Variants in GNA13 observed in about 807,000 individuals in gnomAD.
GNA13 encodes the protein guanine nucleotide-binding protein subunit alpha-13.
GNA13 carries 4 observed loss-of-function variants against 33.5 expected under a neutral mutation model. The ratio of observed to expected loss-of-function variants is 0.12; its 90% CI spans 0.06 to 0.27. The LOEUF (loss-of-function observed/expected upper bound fraction) is 0.27, where lower values mean the gene tolerates loss of function less well. GNA13 is among the 10% of genes least tolerant of loss of function. The pLI, the probability that GNA13 is intolerant of heterozygous loss-of-function variation, is 1.00. For synonymous variants in GNA13, 176 were observed against 183.8 expected (o/e 0.96, Z 0.34); for missense variants, 319 against 487.2 (o/e 0.65, Z 3.25).
intron 3 of GNA13, among the ~76,000 whole-genome samples, chr17:65,015,638 G>C (rs890434350): frequency 6.8e-6 from 1 of 147,580 alleles, no homozygotes; most frequent in Non-Finnish European, 1.5e-5. Flanking sequence ...ACTCCAGCCT[G>C]GGTGACAGAG....
At chr17:65,056,203 C>G in intron 1 of GNA13, 108 bp downstream of exon 1, 1 of 952,930 alleles carries the variant, frequency 1.0e-6, no homozygotes. Flanking sequence ...CCGCCGGGCC[C>G]GTTCCTTCGC....
chr17:65,030,922 CTT>C (rs1906977654), intron 2 of GNA13, among the ~76,000 whole-genome samples: 1 of 152,144 alleles, frequency 6.6e-6, no homozygotes, highest in Admixed American at 6.5e-5. Flanking sequence ...CTGCAAGTGT[CTT>C]TTAAAAGTAA....
intron 2 of GNA13, among the ~76,000 whole-genome samples, chr17:65,038,438 G>T (rs979109981): frequency 6.6e-6 from 1 of 151,926 alleles, no homozygotes; most frequent in Non-Finnish European, 1.5e-5. Flanking sequence ...TTAGAGACAG[G>T]GTCTTGCTTT....
chr17:65,047,329 C>T (rs548723490), intron 2 of GNA13, among the ~76,000 whole-genome samples: 1 of 152,216 alleles, frequency 6.6e-6, no homozygotes, highest in Non-Finnish European at 1.5e-5. Flanking sequence ...CCCAAGGTTA[C>T]AGTGAACTAT....
intron 2 of GNA13, among the ~76,000 whole-genome samples, chr17:65,031,915 A>AGT (rs1567821894): frequency 1.5e-5 from 2 of 131,368 alleles, no homozygotes; most frequent in Non-Finnish European, 3.3e-5. Context: ...AGAGAGAGAG[A>AGT]GAGAGAGTGT....
chr17:65,022,763 C>A (rs974273302), intron 2 of GNA13, among the ~76,000 whole-genome samples: 9 of 152,224 alleles, frequency 5.9e-5, no homozygotes, highest in African/African-American at 1.9e-4. Flanking sequence ...TTTTGTTAGA[C>A]AAGCAAGGAA....
chr17:65,052,159 A>AT (rs968564261), intron 2 of GNA13: 20 of 149,776 alleles, frequency 1.3e-4, no homozygotes, highest in African/African-American at 2.7e-4. Context: ...CAGCTTATTT[A>AT]TTTTTTTTTT....
chr17:65,012,950 C>A lies in GNA13; in HGVS notation c.*1307G>T, dbSNP rs766416635. ...GATGAGTTCACTATGAATGTATCTG[C>A]GATCACAAAGCTACTTCGTGGACAC... On this transcript the variant is annotated 3_prime_UTR_variant, in exon 4 of 4. Transcript: ENST00000439174. The A allele has an allele frequency of 9.0e-6, 2 of 221,074 alleles. No homozygotes were observed. Among genetic ancestry groups the A allele is most frequent in the Non-Finnish European group, 1.8e-5 (2 of 110,632 alleles). 13.7% of individuals were successfully genotyped at this position (221,074 alleles called of 1,614,324 possible).
chr17:65,031,308 G>A (rs1458891748), intron 2 of GNA13, among the ~76,000 whole-genome samples: 6 of 152,226 alleles, frequency 3.9e-5, no homozygotes, highest in Admixed American at 3.9e-4. Context: ...TGCTACACCT[G>A]TATAGGGCAG....
chr17:65,050,034 T>C (rs534647080), intron 2 of GNA13, among the ~76,000 whole-genome samples: 20 of 152,186 alleles, frequency 1.3e-4, no homozygotes, highest in African/African-American at 4.8e-4. Flanking sequence ...CCTAATGAAA[T>C]ATATTGCTGG....
intron 2 of GNA13, among the ~76,000 whole-genome samples, chr17:65,049,040 A>G (rs1251967172): frequency 6.6e-6 from 1 of 152,216 alleles, no homozygotes; most frequent in Non-Finnish European, 1.5e-5. Context: ...GAAAATTAGG[A>G]AACTATTATA....
At chr17:65,038,565 C>T (rs530487328) in intron 2 of GNA13, among the ~76,000 whole-genome samples, 4 of 152,244 alleles carry the variant, frequency 2.6e-5, no homozygotes, top group Non-Finnish European at 4.4e-5. Context: ...CATACACCAT[C>T]GTACCCAACT....
chr17:65,015,463 C>A (rs1356759652), intron 3 of GNA13, among the ~76,000 whole-genome samples: 1 of 151,952 alleles, frequency 6.6e-6, no homozygotes, highest in Non-Finnish European at 1.5e-5. Context: ...GAGATTGAGA[C>A]CATCCTGGCT....
Position 65,009,522 on chromosome 17 carries a change from T to C in GNA13, c.*4735A>G, listed in dbSNP as rs1598474857. 1.3e-5 allele frequency among the ~76,000 whole-genome samples: 2 copies of C among 152,240 alleles called. No homozygotes were observed. Among genetic ancestry groups the C allele is most frequent in the African/African-American group, 4.8e-5 (2 of 41,536 alleles). ...AAAATTTACAACAATTATCAGATAA[T>C]GTGCTTAGTTCCTGGAAAGTTATAA... On this transcript the variant is annotated 3_prime_UTR_variant, in exon 4 of 4. Coordinates refer to ENST00000439174, the MANE Select transcript of GNA13 (RefSeq NM_006572.6).
At chr17:65,048,093 G>A (rs1373529922) in intron 2 of GNA13, among the ~76,000 whole-genome samples, 1 of 152,158 alleles carries the variant, frequency 6.6e-6, no homozygotes, top group Non-Finnish European at 1.5e-5. Context: ...GGCCATTACA[G>A]GAAGTTGTAT....
At chr17:65,049,544 A>G (rs1907787311) in intron 2 of GNA13, among the ~76,000 whole-genome samples, 1 of 152,226 alleles carries the variant, frequency 6.6e-6, no homozygotes, top group South Asian at 2.1e-4. Context: ...CACACATGAA[A>G]GCTGTGACTC....
At chr17:65,020,735 C>G (rs1906552784) in intron 2 of GNA13, among the ~76,000 whole-genome samples, 2 of 151,898 alleles carry the variant, frequency 1.3e-5, no homozygotes, top group Non-Finnish European at 2.9e-5. Context: ...AATACAACCT[C>G]CACCTCCCGG....
chr17:65,056,362 G>C lies in GNA13; in HGVS notation c.232C>G (p.Gln78Glu). 1.2e-6 allele frequency: 2 copies of C among 1,613,062 alleles called. No homozygotes were observed. The highest frequency in any genetic ancestry group is 8.5e-7 in the Non-Finnish European group (1 of 1,179,814). The change falls in exon 1 of 4, where the codon CAG becomes GAG. Residue 78 changes from glutamine (Q) to glutamate (E), a missense_variant. Physicochemically the swap from Gln to Glu is conservative, Grantham distance 29 (BLOSUM62 2). Transcript: ENST00000439174. ...GGGCGGAACTCCTCGCGCGCGCGCTGGTCGAAGTCCTGCCCGTGGATGATC... is the reference window on the plus strand; with the variant it reads ...GGGCGGAACTCCTCGCGCGCGCGCTCGTCGAAGTCCTGCCCGTGGATGATC... ...MRIIHGQDFD[Q>E]RAREEFRPTI...
At chr17:65,029,254 T>A (rs1223656464) in intron 2 of GNA13, among the ~76,000 whole-genome samples, 1 of 152,232 alleles carries the variant, frequency 6.6e-6, no homozygotes. Flanking sequence ...CTTTTCCCTA[T>A]GAAACAAGCT....
Sources: gnomAD v4.1 joint callset for allele counts (sites outside exome capture counted in the v4.1 genomes callset) on GRCh38, gnomAD v4.1.1 for gene constraint, MANE v1.5 for transcripts, NCBI Gene and HGNC (gene_info 2026-07-23, HGNC 2026-07-21) for gene names.